Variants in PTPRD observed in about 807,000 individuals in gnomAD.
PTPRD encodes the protein protein tyrosine phosphatase receptor type D.
Under a neutral mutation model 214.5 loss-of-function variants are expected in PTPRD, and 34 were observed. That is an observed-to-expected ratio of 0.16 (90% CI 0.12 to 0.21). The LOEUF (loss-of-function observed/expected upper bound fraction) is 0.21, where lower values mean the gene tolerates loss of function less well. Among genes scored for constraint, PTPRD ranks in the 10% least tolerant of loss-of-function variants. The pLI, the probability that PTPRD is intolerant of heterozygous loss-of-function variation, is 1.00. For synonymous variants in PTPRD, 1,128 were observed against 845.7 expected, an observed-to-expected ratio of 1.33 and a Z score of -5.79; for missense variants, 2,545 against 2,398.7, an observed-to-expected ratio of 1.06 and a Z score of -1.27.
At chr9:8,491,627 G>C (rs2097151913) in intron 27 of PTPRD, among the ~76,000 whole-genome samples, 1 of 149,114 alleles carries the variant, frequency 6.7e-6, no homozygotes, top group Non-Finnish European at 1.5e-5. Context: ...CTGCTCTTCA[G>C]GGCATTAAAT....
At chr9:10,149,135 C>T (rs1171762998) in intron 3 of PTPRD, among the ~76,000 whole-genome samples, 1 of 152,110 alleles carries the variant, frequency 6.6e-6, no homozygotes, top group African/African-American at 2.4e-5. Context: ...AAGTAAGGAG[C>T]AGTATTCATA....
chr9:10,360,911 G>A (rs895855312), intron 2 of PTPRD, among the ~76,000 whole-genome samples: 3 of 152,096 alleles, frequency 2.0e-5, no homozygotes, highest in African/African-American at 7.2e-5. Context: ...GGCCATCCTG[G>A]CTAACACGAT....
intron 7 of PTPRD, among the ~76,000 whole-genome samples, chr9:9,585,720 A>C (rs1171655470): frequency 6.6e-6 from 1 of 152,084 alleles, no homozygotes; most frequent in African/African-American, 2.4e-5. Flanking sequence ...GAAAATGAAG[A>C]AAGACCATCC....
intron 5 of PTPRD, among the ~76,000 whole-genome samples, chr9:9,808,368 C>G (rs1451800499): frequency 6.6e-6 from 1 of 152,166 alleles, no homozygotes; most frequent in Non-Finnish European, 1.5e-5. Context: ...ATTTCCTTAT[C>G]TGACCAGGAA....
intron 10 of PTPRD, among the ~76,000 whole-genome samples, chr9:9,028,574 C>T (rs968387080): frequency 3.3e-5 from 5 of 151,852 alleles, no homozygotes; most frequent in Non-Finnish European, 7.4e-5. Context: ...TTTATTTAAT[C>T]CTATAGTAAC....
chr9:10,386,217 G>C (rs1167055914), intron 2 of PTPRD, among the ~76,000 whole-genome samples: 3 of 151,788 alleles, frequency 2.0e-5, no homozygotes, highest in Non-Finnish European at 4.4e-5. Flanking sequence ...GCAGGTGGAA[G>C]AACCACCAAC....
chr9:10,322,990 G>A (rs1405483823), intron 3 of PTPRD, among the ~76,000 whole-genome samples: 1 of 151,894 alleles, frequency 6.6e-6, no homozygotes, highest in Non-Finnish European at 1.5e-5. Flanking sequence ...ATTAAAATTA[G>A]CATTACAACA....
intron 8 of PTPRD, among the ~76,000 whole-genome samples, chr9:9,552,030 A>C (rs566018702): frequency 7.2e-5 from 11 of 151,882 alleles, no homozygotes; most frequent in Admixed American, 2.0e-4. Context: ...CATAAGCCCA[A>C]CTCTTTATCA....
intron 21 of PTPRD, among the ~76,000 whole-genome samples, chr9:8,509,708 T>C (rs1464018891): frequency 2.0e-5 from 3 of 152,228 alleles, no homozygotes; most frequent in Admixed American, 2.0e-4. Flanking sequence ...AATTCCCGGT[T>C]GGTCTCAATA....
intron 10 of PTPRD, among the ~76,000 whole-genome samples, chr9:9,084,310 C>T (rs1374848746): frequency 1.3e-5 from 2 of 152,076 alleles, no homozygotes; most frequent in African/African-American, 4.8e-5. Flanking sequence ...GAACAGAAAA[C>T]CAAACACCGC....
At chr9:10,550,574 C>T (rs992140318) in intron 2 of PTPRD, among the ~76,000 whole-genome samples, 1 of 152,122 alleles carries the variant, frequency 6.6e-6, no homozygotes, top group African/African-American at 2.4e-5. Context: ...CACTGAAAGA[C>T]AGGAAGGCTG....
chr9:10,407,825 G>C (rs1406307203), intron 2 of PTPRD, among the ~76,000 whole-genome samples: 1 of 151,472 alleles, frequency 6.6e-6, no homozygotes, highest in African/African-American at 2.4e-5. Flanking sequence ...TTTTGTTCCA[G>C]AATGCTACAT....
At chr9:9,915,632 A>G (rs764557548) in intron 5 of PTPRD, among the ~76,000 whole-genome samples, 3 of 151,856 alleles carry the variant, frequency 2.0e-5, no homozygotes, top group Non-Finnish European at 2.9e-5. Flanking sequence ...TAGACCACCA[A>G]GCAGAAGAAA....
At chr9:8,454,656 A>G in intron 33 of PTPRD, 1 of 1,565,864 alleles carries the variant, frequency 6.4e-7, no homozygotes, top group Non-Finnish European at 8.7e-7. Flanking sequence ...GCCAATGGTA[A>G]CAAGGATAAC....
At chr9:9,441,783 G>T (rs1170533445) in intron 8 of PTPRD, among the ~76,000 whole-genome samples, 2 of 152,120 alleles carry the variant, frequency 1.3e-5, no homozygotes, top group Non-Finnish European at 2.9e-5. Flanking sequence ...ATATCATTAT[G>T]TACAGTGCTA....
At chr9:9,637,744 C>T (rs2095817789) in intron 7 of PTPRD, among the ~76,000 whole-genome samples, 1 of 152,156 alleles carries the variant, frequency 6.6e-6, no homozygotes, top group Non-Finnish European at 1.5e-5. Context: ...AGGCATTGCC[C>T]TATTGAGAAC....
At position 10,119,234 on chromosome 9, in the gene PTPRD, TA is replaced by T. The variant is rs576159203; in HGVS notation, c.-544-85445del. On this transcript the variant is annotated intron_variant, in intron 3 of 45. Transcript: ENST00000381196. ...TAACTATTACAATCAAACCCAACAA[TA>T]ATCCTATAAGGCAGAGATTATTATC... 7.8e-4 allele frequency among the ~76,000 whole-genome samples: 118 copies of T among 152,018 alleles called. 3 individuals are homozygous for T. In the South Asian group the frequency reaches 0.023, roughly 29 times the overall value.
At chr9:8,510,652 T>C (rs1460611962) in intron 21 of PTPRD, among the ~76,000 whole-genome samples, 1 of 152,132 alleles carries the variant, frequency 6.6e-6, no homozygotes, top group Non-Finnish European at 1.5e-5. Context: ...GAAATAAACT[T>C]TCATGATCTC....
chr9:10,547,953 T>G (rs1337851713), intron 2 of PTPRD, among the ~76,000 whole-genome samples: 1 of 152,082 alleles, frequency 6.6e-6, no homozygotes, highest in Non-Finnish European at 1.5e-5. Context: ...TTGTAATCAA[T>G]CATGAGCTAA....
Sources: gnomAD v4.1 joint callset for allele counts (sites outside exome capture counted in the v4.1 genomes callset) on GRCh38, gnomAD v4.1.1 for gene constraint, MANE v1.5 for transcripts, NCBI Gene and HGNC (gene_info 2026-07-23, HGNC 2026-07-21) for gene names.